Variants in PARVB observed in about 807,000 individuals in gnomAD.
The protein encoded by PARVB is beta-parvin.
A neutral mutation model predicts 47.0 loss-of-function variants in PARVB; 46 were observed. The observed-to-expected ratio is 0.98, with a 90% CI of 0.77 to 1.25. The LOEUF (loss-of-function observed/expected upper bound fraction) is 1.25. Among genes scored for constraint, PARVB ranks in the 50% most tolerant of loss-of-function variants. The pLI, the probability that PARVB is intolerant of heterozygous loss-of-function variation, is 0.00. For synonymous variants in PARVB, 196 were observed against 196.3 expected, an observed-to-expected ratio of 1.00 and a Z score of 0.01; for missense variants, 473 against 471.6, an observed-to-expected ratio of 1.00 and a Z score of -0.03.
At chr22:44,108,548 A>C (rs900828837) in intron 3 of PARVB, 1 of 152,352 alleles carries the variant, frequency 6.6e-6, no homozygotes, top group South Asian at 2.1e-4. Flanking sequence ...ACCTGGGTGC[A>C]GGCGGGCTGA....
chr22:44,122,243 C>T (rs2053063149), intron 4 of PARVB, among the ~76,000 whole-genome samples: 1 of 152,090 alleles, frequency 6.6e-6, no homozygotes, highest in Admixed American at 6.6e-5. Context: ...ATCATCCCAG[C>T]ACCTTGAGGG....
rs200352889 is a variant in PARVB at position 44,147,892 on chromosome 22, C to T, written c.744C>T (p.His248=). The T allele has an allele frequency of 3.7e-5, 60 of 1,613,978 alleles. No homozygotes were observed. Among genetic ancestry groups the T allele is most frequent in the Non-Finnish European group, 3.7e-5 (44 of 1,179,986 alleles). ...ATGCCTTCGACACGCTGTTCGACCA[C>T]GCCCCGGATAAGCTCAGCGTGGTGA... ...ERDAFDTLFD[H]APDKLSVVKK... is the part of the protein sequence containing the mutation. The change falls in exon 9 of 13, where the codon CAC becomes CAT. Residue 248 remains histidine (H), a synonymous_variant. Transcript: ENST00000338758.
intron 12 of PARVB, 135 bp from the exon 13 acceptor site, chr22:44,168,467 T>C (rs147142455): frequency 0.011 from 7,583 of 666,468 alleles, 104 homozygotes; most frequent in Non-Finnish European, 0.017. Flanking sequence ...GACATGGTGG[T>C]GGCCAGTCTT....
At chr22:44,010,172 G>A (rs1188536735) in intron 2 of PARVB, among the ~76,000 whole-genome samples, 1 of 152,146 alleles carries the variant, frequency 6.6e-6, no homozygotes, top group East Asian at 1.9e-4. Flanking sequence ...AGGAGGTCTT[G>A]TTCATTTTGT....
At chr22:44,166,148 C>T (rs932584493) in intron 12 of PARVB, among the ~76,000 whole-genome samples, 2 of 152,170 alleles carry the variant, frequency 1.3e-5, no homozygotes, top group Non-Finnish European at 2.9e-5. Context: ...CTTACTTTGT[C>T]ACCCAGGCTG....
rs560530027 is a variant in PARVB, at chr22:44,082,668, C to T, written c.113-11260C>T. On this transcript the variant is annotated intron_variant, in intron 1 of 12. Transcript: ENST00000338758. ...CCGGCCCCTCCATGCCCCGGTTTCT[C>T]GCCCAGGTGGGTTAGACGGCCAACC... Among the ~76,000 whole-genome samples, 11 of 152,354 alleles carry T rather than the reference C, an allele frequency of 7.2e-5. No homozygotes were observed. In the South Asian group the frequency reaches 2.1e-3, roughly 29 times the overall value.
rs530821994 is a variant in PARVB at position 44,151,643 on chromosome 22, G to A, written c.843+92G>A. 83 of 1,004,062 alleles carry A rather than the reference G, an allele frequency of 8.3e-5. No individual in the cohort carries two copies. In the South Asian group the frequency reaches 9.4e-4, roughly 11 times the overall value. 62.2% of individuals were successfully genotyped at this position (1,004,062 alleles called of 1,614,324 possible). Reference sequence around the variant, plus strand: ...GGTGGGGCGCGTGAACAAAGCTGGCGCCATTTTGTTCATCTCACAAGGAAC... The same window carrying A: ...GGTGGGGCGCGTGAACAAAGCTGGCACCATTTTGTTCATCTCACAAGGAAC... On this transcript the variant is annotated intron_variant, in intron 10 of 12. Transcript: ENST00000338758.
rs539668388 is a variant in PARVB, at chr22:44,089,959, C to T, written c.113-3969C>T. ...TGCTTCTCTGTGGAATAGGGGACCTCGCCTGCCTTGTGGTCACTCTTCCTC... is the reference window on the plus strand; with the variant it reads ...TGCTTCTCTGTGGAATAGGGGACCTTGCCTGCCTTGTGGTCACTCTTCCTC... On this transcript the variant is annotated intron_variant, in intron 1 of 12. Transcript: ENST00000338758. The surrounding 1 kb of genome is among the most constrained non-coding windows in gnomAD (Gnocchi z 4.0). Among the ~76,000 whole-genome samples the T allele has an allele frequency of 7.9e-5, 12 of 152,296 alleles. No homozygotes were observed. In the South Asian group the frequency reaches 2.3e-3, roughly 29 times the overall value.
intron 2 of PARVB, among the ~76,000 whole-genome samples, chr22:44,004,699 T>C (rs1030497756): frequency 6.6e-6 from 1 of 152,256 alleles, no homozygotes; most frequent in Admixed American, 6.5e-5. Flanking sequence ...AAGCCCTTTG[T>C]TCGGGGCTCA....
At chr22:44,140,455 G>A in intron 8 of PARVB, 1 of 679,530 alleles carries the variant, frequency 1.5e-6, no homozygotes, top group Non-Finnish European at 2.8e-6. Context: ...GAGCAAGAGT[G>A]GTTGAGGGTA....
intron 1 of PARVB, among the ~76,000 whole-genome samples, chr22:44,082,484 A>C (rs1376297013): frequency 1.3e-5 from 2 of 152,166 alleles, no homozygotes; most frequent in Admixed American, 1.3e-4. Context: ...GAGCCACTGC[A>C]CTCCAGCCTG....
rs367579870 is a variant in PARVB at position 44,103,314 on chromosome 22, G to A, written c.273+3191G>A. On this transcript the variant is annotated intron_variant, in intron 3 of 12. Transcript: ENST00000338758. The surrounding 1 kb of genome is among the most constrained non-coding windows in gnomAD (Gnocchi z 4.6). Reference sequence around the variant, plus strand: ...AATGCCTCTCCCCGACTTCCCTGATGTGGGCTTCTGAGACCATGGCTCATG... The same window carrying A: ...AATGCCTCTCCCCGACTTCCCTGATATGGGCTTCTGAGACCATGGCTCATG... 9 of 152,254 alleles carry A rather than the reference G, an allele frequency of 5.9e-5. No individual in the cohort carries two copies. The highest frequency in any genetic ancestry group is 2.2e-4 in the African/African-American group (9 of 41,454). The allele number at this position is 152,254 out of a possible 1,614,324, so 9.4% of individuals were successfully genotyped here.
At chr22:44,067,407 C>A (rs944141281) in intron 1 of PARVB, among the ~76,000 whole-genome samples, 1 of 152,232 alleles carries the variant, frequency 6.6e-6, no homozygotes, top group African/African-American at 2.4e-5. Context: ...GACTGATCCT[C>A]TGTTATTTCT....
In PARVB at chr22:44,164,413, C is replaced by CT. The variant is rs376317872; in HGVS notation, c.1018+483_1018+484insT. Among the ~76,000 whole-genome samples the CT allele has an allele frequency of 9.9e-4, 142 of 143,988 alleles. No individual in the cohort carries two copies. In the Middle Eastern group the frequency reaches 0.011, roughly 11 times the overall value. 94.5% of individuals were successfully genotyped at this position (143,988 alleles called of 152,430 possible). On this transcript the variant is annotated intron_variant, in intron 12 of 12. Coordinates refer to ENST00000338758, the MANE Select transcript of PARVB (RefSeq NM_013327.5). ...GGGCGGGCGGTTGCTTCCCTGTCCC[C>CT]CCCCCGGCTCCTGTGCCAAGTTACC...
Position 44,039,444 on chromosome 22 carries a change from G to A in PARVB, c.112+14993G>A, listed in dbSNP as rs561381215. 2.0e-5 allele frequency among the ~76,000 whole-genome samples: 3 copies of A among 152,216 alleles called. No individual in the cohort carries two copies. The South Asian group carries it at 6.2e-4, about 32-fold the overall frequency. On this transcript the variant is annotated intron_variant, in intron 1 of 12. Transcript: ENST00000338758. ...TAATCCCAGCTACTTGGGAGGCTGA[G>A]GCAGGAGAATCACTTGAACCCGGGA...
intron 2 of PARVB, among the ~76,000 whole-genome samples, chr22:44,008,095 TG>T: frequency 6.6e-6 from 1 of 152,084 alleles, no homozygotes. Flanking sequence ...AGGTTTTTTT[TG>T]TTGTTGTTGT....
rs2054271304 is a variant in PARVB, at chr22:44,171,732, CATAAG to C, written c.*3057_*3061del. ...TTTCAAGTCGAACAGTAAAAGGAATCATAAGATCTGTGGGGAAGCTACATGGGCAC... is the reference window on the plus strand; with the variant it reads ...TTTCAAGTCGAACAGTAAAAGGAATCATCTGTGGGGAAGCTACATGGGCAC... On this transcript the variant is annotated 3_prime_UTR_variant, in exon 13 of 13. Transcript: ENST00000338758. 1 of 151,502 alleles carries C rather than the reference CATAAG, an allele frequency of 6.6e-6. No homozygotes were observed. The highest frequency in any genetic ancestry group is 2.4e-5 in the African/African-American group (1 of 41,176). The allele number at this position is 151,502 out of a possible 1,614,324, so 9.4% of individuals were successfully genotyped here.
chr22:44,115,919 A>G (rs2052885034), intron 3 of PARVB: 1 of 151,704 alleles, frequency 6.6e-6, no homozygotes, highest in Non-Finnish European at 1.5e-5. Context: ...ACCAACACAG[A>G]TACATTGTTA....
intron 2 of PARVB, among the ~76,000 whole-genome samples, chr22:44,011,749 T>A (rs2050525469): frequency 6.6e-6 from 1 of 152,176 alleles, no homozygotes; most frequent in Admixed American, 6.6e-5. Flanking sequence ...TCTCATGATG[T>A]GCTATGGCCG....
Sources: allele counts gnomAD v4.1 joint callset (sites outside exome capture counted in the v4.1 genomes callset), GRCh38; gene constraint gnomAD v4.1.1; non-coding constraint Gnocchi (gnomAD v3.1); transcripts MANE v1.5; gene names NCBI Gene and HGNC (gene_info 2026-07-23, HGNC 2026-07-21).